HERC5: variants seen among roughly 807,000 people sequenced by gnomAD.
The protein encoded by HERC5 is E3 ISG15--protein ligase HERC5.
In HERC5, 99 loss-of-function variants were observed where a neutral mutation model predicts 119.6. The observed-to-expected ratio is 0.83, with a 90% CI of 0.70 to 0.98. The LOEUF (loss-of-function observed/expected upper bound fraction) is 0.98, where lower values mean the gene tolerates loss of function less well. HERC5 is among the 50% of genes least tolerant of loss of function. The probability of loss-of-function intolerance (pLI) is 0.00; values close to 1 mark genes in which losing one functional copy is unlikely to be tolerated. For missense variants in HERC5, 1,267 were observed against 1,241.3 expected, an observed-to-expected ratio of 1.02 and a Z score of -0.31; for synonymous variants, 478 against 445.9, an observed-to-expected ratio of 1.07 and a Z score of -0.91.
chr4:88,469,431 C>G (rs1356540249), intron 9 of HERC5, among the ~76,000 whole-genome samples, 171 bp downstream of exon 9: 1 of 152,110 alleles, frequency 6.6e-6, no homozygotes, highest in East Asian at 1.9e-4. Flanking sequence ...GTCTGTCTGT[C>G]CATCTATGTA....
In HERC5 at chr4:88,468,539, G is replaced by C. The variant is rs1740755925; in HGVS notation, c.1134+117G>C. ...AGTTTACCAGGCTGACTTTTTGGGGGATAGCTGGACATTACTGATCCTTTA... is the reference window on the plus strand; with the variant it reads ...AGTTTACCAGGCTGACTTTTTGGGGCATAGCTGGACATTACTGATCCTTTA... On this transcript the variant is annotated intron_variant, in intron 8 of 22. Transcript: ENST00000264350. 27 of 627,914 alleles carry C rather than the reference G, an allele frequency of 4.3e-5. No homozygotes were observed. In the South Asian group the frequency reaches 5.5e-4, roughly 13 times the overall value. The allele number at this position is 627,914 out of a possible 1,614,324, so 38.9% of individuals were successfully genotyped here. A position where few individuals can be genotyped will look rare whatever the true frequency, so the allele number is the denominator to read the frequency against.
rs1185760025 is a variant in HERC5, at chr4:88,489,312, T to G, written c.2109T>G (p.Asn703Lys). The G allele has an allele frequency of 1.2e-6, 2 of 1,613,144 alleles. No homozygotes were observed. The highest frequency in any genetic ancestry group is 4.5e-5 in the East Asian group (2 of 44,866). The change falls in exon 16 of 23, where the codon AAT becomes AAG. Residue 703 changes from asparagine to lysine, a missense_variant. Asn to Lys is a moderately conservative substitution (Grantham distance 94). This residue lies in a region of HERC5 where 473 missense variants were observed against 445.7 expected (regional missense o/e 1.06). Transcript: ENST00000264350. Reference sequence around the variant, plus strand: ...TGAATCAGCTAAGTCAATTTGAGAATGAAGACCTGAGGAAAGAGTTATGGG... The same window carrying G: ...TGAATCAGCTAAGTCAATTTGAGAAGGAAGACCTGAGGAAAGAGTTATGGG... Reference protein sequence around the residue: ...DVLNQLSQFENEDLRKELWVS... With the variant: ...DVLNQLSQFEKEDLRKELWVS...
At chr4:88,460,939 A>G (rs1053706040) in intron 3 of HERC5, among the ~76,000 whole-genome samples, 6 of 152,282 alleles carry the variant, frequency 3.9e-5, no homozygotes, top group South Asian at 4.1e-4. Flanking sequence ...GCAGTGAGCC[A>G]TGATCGTGCC....
rs1560610762 is a variant in HERC5 at position 88,489,255 on chromosome 4, A to G, written c.2052A>G (p.Thr684=). 6.2e-7 allele frequency: 1 copy of G among 1,614,030 alleles called. No homozygotes were observed. ...EFALRPTFDL[T]VRRNHLIEDV... is the part of the protein sequence containing the mutation. ...CTTTGAGGCCCACGTTTGATCTAAC[A>G]GTCAGAAGGAATCACTTGATTGAGG... Residue 684 remains threonine, a synonymous_variant, in exon 16 of 23, where the codon ACA becomes ACG. Transcript: ENST00000264350.
intron 13 of HERC5, among the ~76,000 whole-genome samples, chr4:88,484,410 C>T (rs781360548): frequency 2.6e-5 from 4 of 152,172 alleles, no homozygotes; most frequent in Non-Finnish European, 4.4e-5. Context: ...TGGCTTTCTT[C>T]GCAGAGAATT....
At position 88,493,126 on chromosome 4, in the gene HERC5, G is replaced by C; in HGVS notation, c.2248G>C (p.Gly750Arg). The change falls in exon 17 of 23, where the codon GGG (glycine) becomes CGG (arginine). Residue 750 changes from glycine (G) to arginine (R), a missense_variant. Gly to Arg is a moderately radical substitution (Grantham distance 125). Transcript: ENST00000264350. ...ATATGGGATGTTCATGTATCCTGAAGGGGCTTCCTGCATGTGGTTTCCTGT... is the reference window on the plus strand; with the variant it reads ...ATATGGGATGTTCATGTATCCTGAACGGGCTTCCTGCATGTGGTTTCCTGT... ...PEYGMFMYPE[G>R]ASCMWFPVKP... 6.2e-7 allele frequency: 1 copy of C among 1,613,952 alleles called. No individual in the cohort carries two copies. Among genetic ancestry groups the C allele is most frequent in the Non-Finnish European group, 8.5e-7 (1 of 1,179,924 alleles).
At chr4:88,477,537 AAGGGGAAGTGGGGG>A (rs1233657766) in intron 12 of HERC5, among the ~76,000 whole-genome samples, 2 of 67,198 alleles carry the variant, frequency 3.0e-5, no homozygotes, top group African/African-American at 6.0e-5. Flanking sequence ...GGGGGAGGGG[AAGGGGAAGTGGGGG>A]AGGGGAAGGG....
chr4:88,468,913 G>T (rs1242184838), intron 8 of HERC5, among the ~76,000 whole-genome samples: 1 of 152,172 alleles, frequency 6.6e-6, no homozygotes, highest in Non-Finnish European at 1.5e-5. Flanking sequence ...GATTGTATTT[G>T]TATAAAGTGC....
chr4:88,498,768 G>T (rs979704471), intron 18 of HERC5, among the ~76,000 whole-genome samples: 3 of 152,080 alleles, frequency 2.0e-5, no homozygotes, highest in Non-Finnish European at 2.9e-5. Flanking sequence ...ATGAGGTTTT[G>T]TCATGTTGGC....
chr4:88,503,590 C>A (rs946473274), intron 20 of HERC5, among the ~76,000 whole-genome samples: 1 of 152,086 alleles, frequency 6.6e-6, no homozygotes, highest in African/African-American at 2.4e-5. Flanking sequence ...GTATATGACT[C>A]GGTTGTCATT....
intron 17 of HERC5, among the ~76,000 whole-genome samples, chr4:88,493,574 G>C (rs1209239700): frequency 6.6e-6 from 1 of 151,828 alleles, no homozygotes; most frequent in Non-Finnish European, 1.5e-5. Flanking sequence ...ACTGTGGCAG[G>C]GATTTATTTG....
At chr4:88,477,980 C>T (rs1442375208) in intron 12 of HERC5, among the ~76,000 whole-genome samples, 1 of 152,180 alleles carries the variant, frequency 6.6e-6, no homozygotes, top group Admixed American at 6.5e-5. Context: ...ACACATTATA[C>T]TATTTCATCT....
chr4:88,462,757 T>C (rs141212897), intron 4 of HERC5, among the ~76,000 whole-genome samples: 1,653 of 152,358 alleles, frequency 0.011, 12 homozygotes, highest in Non-Finnish European at 0.018. Context: ...AGTGTATTAT[T>C]ACAAAAGAAT....
At chr4:88,466,432 G>T (rs1740667087) in intron 6 of HERC5, among the ~76,000 whole-genome samples, 1 of 152,182 alleles carries the variant, frequency 6.6e-6, no homozygotes. Flanking sequence ...TCATTGCCCG[G>T]ATAGTTAAAC....
At chr4:88,503,555 A>T (rs1742009243) in intron 20 of HERC5, among the ~76,000 whole-genome samples, 1 of 152,156 alleles carries the variant, frequency 6.6e-6, no homozygotes, top group Non-Finnish European at 1.5e-5. Context: ...CACATAACAG[A>T]TTTTTGAATT....
At chr4:88,489,964 A>G (rs1422932657) in intron 16 of HERC5, among the ~76,000 whole-genome samples, 2 of 152,120 alleles carry the variant, frequency 1.3e-5, no homozygotes, top group Non-Finnish European at 2.9e-5. Context: ...AGCCGAGATC[A>G]TGCCACTGCA....
At chr4:88,488,224 C>CT (rs927992223) in intron 15 of HERC5, among the ~76,000 whole-genome samples, 5 of 148,236 alleles carry the variant, frequency 3.4e-5, no homozygotes, top group Admixed American at 1.3e-4. Flanking sequence ...AAAGCATAGA[C>CT]TTTTTTTTTC....
chr4:88,465,114 C>T (rs1041559004), intron 6 of HERC5, among the ~76,000 whole-genome samples: 3 of 152,042 alleles, frequency 2.0e-5, no homozygotes, highest in East Asian at 1.9e-4. Flanking sequence ...GGGGTTTCAC[C>T]GTGTTGGCCA....
intron 11 of HERC5, 38 bp downstream of exon 11, chr4:88,472,540 C>T (rs760078102): frequency 3.0e-5 from 34 of 1,150,876 alleles, no homozygotes; most frequent in Non-Finnish European, 4.0e-5. Flanking sequence ...GAAAATACAC[C>T]AGAATATTTC....
Sources: allele counts gnomAD v4.1 joint callset (sites outside exome capture counted in the v4.1 genomes callset), GRCh38; gene constraint gnomAD v4.1.1; regional missense constraint gnomAD v4.1.1; transcripts MANE v1.5; gene names NCBI Gene and HGNC (gene_info 2026-07-23, HGNC 2026-07-21).